The following NLGN1 variants were observed in gnomAD, a reference collection of about 807,000 sequenced individuals.
NLGN1 encodes neuroligin-1.
Under a neutral mutation model 65.5 loss-of-function variants are expected in NLGN1, and 12 were observed. That is an observed-to-expected ratio of 0.18 (90% CI 0.12 to 0.30). The LOEUF (loss-of-function observed/expected upper bound fraction) is 0.30. NLGN1 is among the 10% of genes least tolerant of loss of function. The pLI is 1.00. For missense variants in NLGN1, 750 were observed against 1,007.1 expected (o/e 0.74, Z 3.46); for synonymous variants, 350 against 359.5 (o/e 0.97, Z 0.30).
chr3:173,696,819 C>G (rs999398914), intron 3 of NLGN1, among the ~76,000 whole-genome samples: 1 of 152,174 alleles, frequency 6.6e-6, no homozygotes, highest in African/African-American at 2.4e-5. Context: ...ACTAGCCACA[C>G]TTTTTCATAA....
At chr3:173,842,653 G>A (rs1319708201) in intron 4 of NLGN1, among the ~76,000 whole-genome samples, 1 of 152,174 alleles carries the variant, frequency 6.6e-6, no homozygotes, top group Non-Finnish European at 1.5e-5. Context: ...TTTGACTCCA[G>A]GTCTCACATC....
intron 1 of NLGN1, among the ~76,000 whole-genome samples, chr3:173,398,959 A>G (rs1560197969): frequency 6.6e-6 from 1 of 152,230 alleles, no homozygotes; most frequent in Admixed American, 6.5e-5. Context: ...ATGTGTACCT[A>G]TGTTTGAGTG....
intron 4 of NLGN1, among the ~76,000 whole-genome samples, chr3:173,948,413 T>TGAA (rs1747584662): frequency 6.6e-6 from 1 of 152,184 alleles, no homozygotes; most frequent in Non-Finnish European, 1.5e-5. Context: ...GACCTGACTT[T>TGAA]GAAGTATCTG....
intron 4 of NLGN1, among the ~76,000 whole-genome samples, chr3:174,109,403 G>C (rs571569348): frequency 6.6e-6 from 1 of 151,846 alleles, no homozygotes; most frequent in East Asian, 1.9e-4. Context: ...CTGTTGAATA[G>C]CTATTATTGC....
At chr3:173,525,929 C>T (rs1190011516) in intron 2 of NLGN1, among the ~76,000 whole-genome samples, 1 of 151,972 alleles carries the variant, frequency 6.6e-6, no homozygotes, top group Non-Finnish European at 1.5e-5. Context: ...TTCTGGTATT[C>T]ATTTCTAATT....
At chr3:173,827,312 GAT>G (rs1413854275) in intron 4 of NLGN1, among the ~76,000 whole-genome samples, 2 of 152,018 alleles carry the variant, frequency 1.3e-5, no homozygotes, top group Non-Finnish European at 2.9e-5. Context: ...CTAGTGAAGA[GAT>G]ATAAATAAAC....
intron 4 of NLGN1, among the ~76,000 whole-genome samples, chr3:174,088,809 A>AAT: frequency 6.9e-6 from 1 of 145,494 alleles, no homozygotes; most frequent in African/African-American, 2.5e-5. Flanking sequence ...AATAAATAAA[A>AAT]CTAGATTATT....
chr3:173,605,259 G>A (rs752163592), intron 3 of NLGN1, among the ~76,000 whole-genome samples, 168 bp downstream of exon 2: 4 of 152,028 alleles, frequency 2.6e-5, no homozygotes, highest in Non-Finnish European at 5.9e-5. Context: ...GTGTGTCAGT[G>A]TATCTGTACT....
At chr3:174,254,305 A>AATTTTTTTTTT (rs1745270637) in intron 4 of NLGN1, among the ~76,000 whole-genome samples, 1 of 113,468 alleles carries the variant, frequency 8.8e-6, no homozygotes, top group Non-Finnish European at 1.7e-5. Context: ...AGTCCTTTTT[A>AATTTTTTTTTT]ATTTTTTTTT....
At chr3:173,489,957 T>C (rs1026319367) in intron 2 of NLGN1, among the ~76,000 whole-genome samples, 67 of 152,190 alleles carry the variant, frequency 4.4e-4, no homozygotes, top group Non-Finnish European at 7.1e-4. Flanking sequence ...GTAAATTTGT[T>C]TGTGTTGTTT....
chr3:173,459,349 T>A (rs1722997174), intron 2 of NLGN1, among the ~76,000 whole-genome samples: 1 of 152,144 alleles, frequency 6.6e-6, no homozygotes, highest in African/African-American at 2.4e-5. Context: ...CCCACGTTTT[T>A]TCAGGTGCAT....
chr3:173,587,021 T>C (rs2149383870), intron 2 of NLGN1, among the ~76,000 whole-genome samples: 1 of 152,332 alleles, frequency 6.6e-6, no homozygotes, highest in African/African-American at 2.4e-5. Flanking sequence ...CTTTTTAAGC[T>C]AATAGAGAAT....
At chr3:174,163,740 A>G (rs528151781) in intron 4 of NLGN1, among the ~76,000 whole-genome samples, 1 of 152,032 alleles carries the variant, frequency 6.6e-6, no homozygotes, top group Admixed American at 6.6e-5. Context: ...TGCTGCTTCA[A>G]CGTTGCTGCA....
At chr3:174,054,854 T>A (rs1281447095) in intron 4 of NLGN1, among the ~76,000 whole-genome samples, 1 of 152,014 alleles carries the variant, frequency 6.6e-6, no homozygotes, top group Non-Finnish European at 1.5e-5. Context: ...AATTAGTGGA[T>A]CACTCTCCAC....
At chr3:173,548,600 A>T (rs1449201821) in intron 2 of NLGN1, among the ~76,000 whole-genome samples, 2 of 151,996 alleles carry the variant, frequency 1.3e-5, no homozygotes, top group African/African-American at 2.4e-5. Flanking sequence ...GAAGGAAAAT[A>T]CAGTATGTGA....
At chr3:174,060,920 G>C (rs542571928) in intron 4 of NLGN1, among the ~76,000 whole-genome samples, 1 of 152,070 alleles carries the variant, frequency 6.6e-6, no homozygotes, top group East Asian at 1.9e-4. Flanking sequence ...TGGGAAATCA[G>C]GTTCTTTTCC....
chr3:173,403,280 C>T (rs1233718089), intron 1 of NLGN1, among the ~76,000 whole-genome samples: 1 of 151,998 alleles, frequency 6.6e-6, no homozygotes, highest in Non-Finnish European at 1.5e-5. Flanking sequence ...ATAAACCTTG[C>T]TTTGTCATCG....
chr3:174,119,456 G>C (rs535471337), intron 4 of NLGN1, among the ~76,000 whole-genome samples: 1 of 151,928 alleles, frequency 6.6e-6, no homozygotes, highest in Non-Finnish European at 1.5e-5. Flanking sequence ...AATCCCCCTT[G>C]TCTTAAAATT....
At chr3:173,941,629 T>A (rs1453128836) in intron 4 of NLGN1, among the ~76,000 whole-genome samples, 2 of 152,086 alleles carry the variant, frequency 1.3e-5, no homozygotes, top group Non-Finnish European at 2.9e-5. Context: ...AGGGCTTTTT[T>A]AGATAGGTGG....
Sources: allele counts gnomAD v4.1 joint callset (sites outside exome capture counted in the v4.1 genomes callset), GRCh38; gene constraint gnomAD v4.1.1; transcripts MANE v1.5; gene names NCBI Gene and HGNC (gene_info 2026-07-23, HGNC 2026-07-21).